The following RPL13 variants were observed in gnomAD, a reference collection of about 807,000 sequenced individuals.
RPL13 encodes the protein ribosomal protein L13, also known as large ribosomal subunit protein eL13.
RPL13 carries 1 observed loss-of-function variant against 21.4 expected under a neutral mutation model. The observed-to-expected ratio is 0.05, with a 90% CI of 0.02 to 0.22. The LOEUF is 0.22. Ranked by LOEUF, RPL13 falls within the 10% of genes least tolerant of loss-of-function variation. RPL13 has a pLI of 1.00. For missense variants in RPL13, 289 were observed against 303.0 expected, an observed-to-expected ratio of 0.95 and a Z score of 0.34; for synonymous variants, 143 against 120.5, an observed-to-expected ratio of 1.19 and a Z score of -1.23.
At chr16:89,562,658 A>AAT (rs2058754002) in intron 5 of RPL13, 2 of 575,510 alleles carry the variant, frequency 3.5e-6, no homozygotes, top group Admixed American at 3.9e-5. Flanking sequence ...TTGGTTTTGA[A>AAT]TTGCTGGGTT....
rs1000993157 is a variant in RPL13 at position 89,563,803 on chromosome 16, G to C, written c.*761G>C. The C allele has an allele frequency of 3.3e-5, 5 of 152,212 alleles. No homozygotes were observed. Among genetic ancestry groups the C allele is most frequent in the Admixed American group, 2.6e-4 (4 of 15,280 alleles). The allele number at this position is 152,212 out of a possible 1,614,324, so 9.4% of individuals were successfully genotyped here. ...ACTTTGGGGCGTCATTCTTAAGCTT[G>C]TTGTGCCCGGTAACCATGGTCCTCT... On this transcript the variant is annotated 3_prime_UTR_variant, in exon 6 of 6. Transcript: ENST00000311528.
At chr16:89,562,735 G>C (rs1029767782) in intron 5 of RPL13, 149 bp from the exon 6 acceptor site, 13 of 727,994 alleles carry the variant, frequency 1.8e-5, no homozygotes, top group Admixed American at 1.1e-4. Context: ...TCCCAGGGAA[G>C]GTGATTGACT....
Position 89,564,529 on chromosome 16 carries a change from T to A in RPL13, c.*1487T>A, listed in dbSNP as rs755923102. ...TCATCTCTACTGAAAATACAAAAATTAGCTGAGTGGTGACACACGCCTGTA... is the reference window on the plus strand; with the variant it reads ...TCATCTCTACTGAAAATACAAAAATAAGCTGAGTGGTGACACACGCCTGTA... On this transcript the variant is annotated 3_prime_UTR_variant, in exon 6 of 6. Transcript: ENST00000311528. The A allele has an allele frequency of 5.9e-5, 9 of 151,744 alleles. No individual in the cohort carries two copies. The highest frequency in any genetic ancestry group is 1.3e-4 in the Non-Finnish European group (9 of 68,026). 9.4% of individuals were successfully genotyped at this position (151,744 alleles called of 1,614,324 possible). A position where few individuals can be genotyped will look rare whatever the true frequency, so the allele number is the denominator to read the frequency against.
At chr16:89,560,822 C>T (rs1308213764) in intron 1 of RPL13, 110 bp downstream of exon 1, 3 of 626,092 alleles carry the variant, frequency 4.8e-6, no homozygotes, top group East Asian at 3.3e-5. Flanking sequence ...CAGCGTTCGG[C>T]CGCTGCCCGG....
chr16:89,566,409 A>G (rs1017240358), downstream of RPL13: 2 of 152,026 alleles, frequency 1.3e-5, no homozygotes, highest in South Asian at 2.1e-4. Flanking sequence ...GCTGCACACA[A>G]TTTTCCTCCA....
intron 4 of RPL13, 172 bp from the exon 5 acceptor site, chr16:89,562,163 A>G (rs1236750148): frequency 4.5e-6 from 3 of 662,362 alleles, no homozygotes; most frequent in African/African-American, 1.8e-5. Context: ...AGATATAGTC[A>G]CCTAACTAAT....
chr16:89,560,704 G>A lies in RPL13; in HGVS notation c.-29G>A, dbSNP rs987406569. 6 of 424,264 alleles carry A rather than the reference G, an allele frequency of 1.4e-5. No homozygotes were observed. Among genetic ancestry groups the A allele is most frequent in the African/African-American group, 4.2e-5 (2 of 47,382 alleles). The allele number at this position is 424,264 out of a possible 1,614,324, so 26.3% of individuals were successfully genotyped here. A position where few individuals can be genotyped will look rare whatever the true frequency, so the allele number is the denominator to read the frequency against. On this transcript the variant is annotated 5_prime_UTR_variant, in exon 1 of 6. Coordinates refer to ENST00000311528, the MANE Select transcript of RPL13 (RefSeq NM_000977.4). Reference sequence around the variant, plus strand: ...TTCCTTTCCGCTCGGCTGTTTTCCTGCGCAGGAGGTGAGGGAGACTGGGTC... The same window carrying A: ...TTCCTTTCCGCTCGGCTGTTTTCCTACGCAGGAGGTGAGGGAGACTGGGTC...
At position 89,563,819 on chromosome 16, in the gene RPL13, A is replaced by G. The variant is rs1266389108; in HGVS notation, c.*777A>G. 3 of 152,230 alleles carry G rather than the reference A, an allele frequency of 2.0e-5. No individual in the cohort carries two copies. The highest frequency in any genetic ancestry group is 2.9e-5 in the Non-Finnish European group (2 of 68,062). 9.4% of individuals were successfully genotyped at this position (152,230 alleles called of 1,614,324 possible). On this transcript the variant is annotated 3_prime_UTR_variant, in exon 6 of 6. Transcript: ENST00000311528. ...CTTAAGCTTGTTGTGCCCGGTAACC[A>G]TGGTCCTCTTGCTCTGATTAACCCT...
chr16:89,561,566 G>C lies in RPL13; in HGVS notation c.247-12G>C. On this transcript the variant is annotated splice_polypyrimidine_tract_variant and intron_variant, in intron 3 of 5. Coordinates refer to ENST00000311528, the MANE Select transcript of RPL13 (RefSeq NM_000977.4). ...CCGGGCCTGTCTCCATCTCTCTCTG[G>C]TTCTGGGGCAGGTGGCCGGCATTCA... The C allele has an allele frequency of 6.2e-7, 1 of 1,613,430 alleles. No homozygotes were observed. Among genetic ancestry groups the C allele is most frequent in the Non-Finnish European group, 8.5e-7 (1 of 1,180,044 alleles).
intron 4 of RPL13, 70 bp downstream of exon 4, chr16:89,561,821 C>T: frequency 1.3e-6 from 2 of 1,520,938 alleles, no homozygotes; most frequent in Non-Finnish European, 9.0e-7. Flanking sequence ...ATCAGTGACA[C>T]CGGTCCCTGG....
At chr16:89,565,588 A>T (rs1052846814), downstream of RPL13, 5 of 117,448 alleles carry the variant, frequency 4.3e-5, no homozygotes, top group African/African-American at 6.8e-5. Flanking sequence ...TCGGCCCAGG[A>T]TACCCCGCTG....
chr16:89,566,166 C>CG (rs1194315874), downstream of RPL13: 1 of 125,034 alleles, frequency 8.0e-6, no homozygotes, highest in Non-Finnish European at 1.8e-5. Context: ...GCAGTGCCCA[C>CG]GGGGGTCATG....
chr16:89,562,297 G>C (rs751166175), intron 4 of RPL13, 38 bp from the exon 5 acceptor site: 1 of 1,609,480 alleles, frequency 6.2e-7, no homozygotes, highest in South Asian at 1.1e-5. Flanking sequence ...TTGCAGCAGT[G>C]CGGCCAACCC....
chr16:89,560,907 C>T (rs1330552077), intron 1 of RPL13, 33 bp from the exon 2 acceptor site: 3 of 1,507,822 alleles, frequency 2.0e-6, no homozygotes, highest in East Asian at 2.5e-5. Context: ...CGCCCGGGGT[C>T]CGGCCTCTCA....
At chr16:89,562,703 G>C (rs1293471613) in intron 5 of RPL13, 181 bp from the exon 6 acceptor site, 1 of 628,434 alleles carries the variant, frequency 1.6e-6, no homozygotes, top group Admixed American at 3.9e-5. Flanking sequence ...GCTCAGGGAG[G>C]GTTTTTCTTT....
chr16:89,561,437 T>A (rs769530919), intron 3 of RPL13, 69 bp downstream of exon 3: 1 of 1,612,504 alleles, frequency 6.2e-7, no homozygotes, highest in African/African-American at 1.3e-5. Flanking sequence ...AGTCGCGTGA[T>A]GACATTCTCC....
chr16:89,566,264 T>A (rs1294523565), downstream of RPL13: 1 of 151,568 alleles, frequency 6.6e-6, no homozygotes, highest in African/African-American at 2.4e-5. Flanking sequence ...GGGGATAGTC[T>A]CAGAAGGCGC....
chr16:89,561,390 G>T (rs199943964), intron 3 of RPL13, 22 bp downstream of exon 3: 12 of 1,610,994 alleles, frequency 7.4e-6, no homozygotes, highest in Non-Finnish European at 1.0e-5. Flanking sequence ...CAGCGCTGCG[G>T]TGTCAGGAAG....
In RPL13 at chr16:89,561,060, G is replaced by T. The variant is rs2058739757; in HGVS notation, c.101G>T (p.Arg34Leu). 6.2e-7 allele frequency: 1 copy of T among 1,605,060 alleles called. No individual in the cohort carries two copies. Among genetic ancestry groups the T allele is most frequent in the Non-Finnish European group, 8.5e-7 (1 of 1,177,428 alleles). Residue 34 changes from arginine (R) to leucine (L), a missense_variant, in exon 2 of 6, where the codon CGC becomes CTC. By Grantham distance (102) the Arg-to-Leu change is moderately radical. Transcript: ENST00000311528. ...TTCAACCAGCCGGCCCGTAAGATCC[G>T]CAGGTGAGCCCTGCGCTCGGGGCTG... The part of the protein sequence containing the change: ...TWFNQPARKI[R>L]RRKARQAKAR...
Sources: gnomAD v4.1 joint callset for allele counts on GRCh38, gnomAD v4.1.1 for gene constraint, MANE v1.5 for transcripts, NCBI Gene and HGNC (gene_info 2026-07-23, HGNC 2026-07-21) for gene names.